CCDC125: variants seen among roughly 807,000 people sequenced by gnomAD.
CCDC125 encodes coiled-coil domain-containing protein 125.
In CCDC125, 43 loss-of-function variants were observed where a neutral mutation model predicts 57.4. The ratio of observed to expected loss-of-function variants is 0.75; its 90% CI spans 0.59 to 0.97. CCDC125 has a LOEUF of 0.97. Among genes scored for constraint, CCDC125 ranks in the 50% least tolerant of loss-of-function variants. CCDC125 has a pLI of 0.00. For synonymous variants in CCDC125, 187 were observed against 195.2 expected (o/e 0.96, Z 0.35); for missense variants, 563 against 595.7 (o/e 0.95, Z 0.57).
chr5:69,320,405 G>T lies in CCDC125; in HGVS notation c.136C>A (p.His46Asn). Residue 46 changes from histidine to asparagine, a missense_variant, in exon 2 of 12, where the codon CAT becomes AAT. Transcript: ENST00000396496. ...CCATCTGATCTTTTTCTAGACCTAT[G>T]TGAAAATTCTATTTCATAAATCCCA... ...PGGIYEIEFS[H>N]RSRKRSDGKN... 9.3e-6 allele frequency: 15 copies of T among 1,614,108 alleles called. No individual in the cohort carries two copies. Among genetic ancestry groups the T allele is most frequent in the Non-Finnish European group, 1.3e-5 (15 of 1,180,002 alleles).
At chr5:69,290,812 T>G (rs1368873563) in intron 10 of CCDC125, among the ~76,000 whole-genome samples, 3 of 151,460 alleles carry the variant, frequency 2.0e-5, no homozygotes, top group Non-Finnish European at 4.4e-5. Flanking sequence ...GTATTTTTAG[T>G]AGAGGCAGGG....
intron 7 of CCDC125, among the ~76,000 whole-genome samples, chr5:69,303,511 C>A (rs530332205): frequency 6.6e-6 from 1 of 151,598 alleles, no homozygotes; most frequent in Non-Finnish European, 1.5e-5. Flanking sequence ...ACTACAGGTG[C>A]GCACCACCAT....
rs1003180857 is a variant in CCDC125 at position 69,303,361 on chromosome 5, C to CTTTT, written c.700+482_700+485dup. Reference sequence around the variant, plus strand: ...CACTGTGCCTGGCAAGAATTGTTCACTTTTTTTTTTTTTTTTTTTTTGAGA... The same window carrying CTTTT: ...CACTGTGCCTGGCAAGAATTGTTCACTTTTTTTTTTTTTTTTTTTTTTTTTGAGA... On this transcript the variant is annotated intron_variant, in intron 7 of 11. Coordinates refer to ENST00000396496, the MANE Select transcript of CCDC125 (RefSeq NM_176816.5). Among the ~76,000 whole-genome samples, 102 of 100,474 alleles carry CTTTT rather than the reference C, an allele frequency of 1.0e-3. 5 individuals are homozygous for CTTTT. Among genetic ancestry groups the CTTTT allele is most frequent in the African/African-American group, 1.8e-3 (45 of 24,532 alleles). 65.9% of individuals were successfully genotyped at this position (100,474 alleles called of 152,430 possible). A position where few individuals can be genotyped will look rare whatever the true frequency, so the allele number is the denominator to read the frequency against.
chr5:69,286,225 T>TATAA (rs1554071413), intron 10 of CCDC125, among the ~76,000 whole-genome samples: 27 of 111,424 alleles, frequency 2.4e-4, no homozygotes, highest in African/African-American at 9.4e-4. Flanking sequence ...TATATATATA[T>TATAA]ATATATATAA....
At chr5:69,276,735 T>A (rs1199040642), downstream of CCDC125, 1 of 1,533,150 alleles carries the variant, frequency 6.5e-7, no homozygotes, top group Non-Finnish European at 9.0e-7. Flanking sequence ...TTTAGAAAAC[T>A]CCAAATAGCT....
chr5:69,288,710 G>C (rs1429184596), intron 10 of CCDC125, among the ~76,000 whole-genome samples: 1 of 152,236 alleles, frequency 6.6e-6, no homozygotes, highest in Non-Finnish European at 1.5e-5. Context: ...CAGTCAGTCA[G>C]GAGCAGCAGA....
chr5:69,301,715 AC>A (rs1756478008), intron 7 of CCDC125, among the ~76,000 whole-genome samples: 2 of 147,020 alleles, frequency 1.4e-5, no homozygotes, highest in Non-Finnish European at 3.0e-5. Flanking sequence ...AGCCTGGGTG[AC>A]AGAGTGAGAC....
At chr5:69,320,919 G>A (rs1227711797) in intron 1 of CCDC125, among the ~76,000 whole-genome samples, 5 of 152,006 alleles carry the variant, frequency 3.3e-5, no homozygotes, top group African/African-American at 7.2e-5. Flanking sequence ...AGTGTAATAC[G>A]CCAGACACAG....
intron 9 of CCDC125, among the ~76,000 whole-genome samples, chr5:69,293,606 C>T (rs984821273): frequency 2.0e-5 from 3 of 149,780 alleles, no homozygotes; most frequent in Non-Finnish European, 3.0e-5. Flanking sequence ...CGAGATTGCA[C>T]CACTACATTC....
chr5:69,311,174 C>A lies in CCDC125; in HGVS notation c.397G>T (p.Ala133Ser). The change falls in exon 4 of 12, where the codon GCA becomes TCA. Residue 133 changes from alanine (A) to serine (S), a missense_variant. Ala to Ser is a moderately conservative substitution (Grantham distance 99). Coordinates refer to ENST00000396496, the MANE Select transcript of CCDC125 (RefSeq NM_176816.5). ...TTACCTCTGAGTTGTCTTTGAGATGCCTCAAGTTCAGTTTTTAACATTTCT... is the reference window on the plus strand; with the variant it reads ...TTACCTCTGAGTTGTCTTTGAGATGACTCAAGTTCAGTTTTTAACATTTCT... Reference protein sequence around the residue: ...EVEMLKTELEASQRQLRGKEE... With the variant: ...EVEMLKTELESSQRQLRGKEE... 1 of 1,610,636 alleles carries A rather than the reference C, an allele frequency of 6.2e-7. No individual in the cohort carries two copies. The highest frequency in any genetic ancestry group is 8.5e-7 in the Non-Finnish European group (1 of 1,177,874).
At chr5:69,300,343 GC>G (rs1756187811) in intron 7 of CCDC125, among the ~76,000 whole-genome samples, 2 of 152,066 alleles carry the variant, frequency 1.3e-5, no homozygotes, top group African/African-American at 4.8e-5. Context: ...TAATGGAAAA[GC>G]ATCTTAACTT....
chr5:69,330,602 A>C (rs1761301191), intron 1 of CCDC125, among the ~76,000 whole-genome samples: 2 of 151,402 alleles, frequency 1.3e-5, no homozygotes, highest in African/African-American at 4.9e-5. Flanking sequence ...TAAAAAAAAA[A>C]AATTCACTAT....
Position 69,287,293 on chromosome 5 carries a change from C to T in CCDC125, c.1100-1826G>A, listed in dbSNP as rs145608654. The stretch of plus-strand genomic sequence containing the variant: ...TTTTTTTTTTTTTGAGATGGAGTCT[C>T]GCTTTTGTCGCCCAGGCTGGAGTGC... On this transcript the variant is annotated intron_variant, in intron 10 of 11. Transcript: ENST00000396496. 2.8e-3 allele frequency among the ~76,000 whole-genome samples: 403 copies of T among 142,698 alleles called. 3 individuals carry two copies. Among genetic ancestry groups the T allele is most frequent in the African/African-American group, 0.01 (389 of 38,826 alleles). 93.6% of individuals were successfully genotyped at this position (142,698 alleles called of 152,430 possible). A position where few individuals can be genotyped will look rare whatever the true frequency, so the allele number is the denominator to read the frequency against.
chr5:69,301,982 C>T (rs1045820443), intron 7 of CCDC125, among the ~76,000 whole-genome samples: 2 of 151,554 alleles, frequency 1.3e-5, no homozygotes, highest in African/African-American at 4.8e-5. Flanking sequence ...ACTTGGGAGG[C>T]TGAGGTGGGA....
Position 69,285,354 on chromosome 5 carries a change from T to A in CCDC125, c.1213A>T (p.Lys405Ter). Residue 405 changes from lysine to a stop codon, truncating the protein, a stop_gained, in exon 11 of 12, where the codon AAG becomes TAG. Transcript: ENST00000396496. LOFTEE classifies it low-confidence loss of function (END_TRUNC). ...ACACTAACCAAATCTATGAGCATCTTAAGGACCTCTTGAGGACTGTCCTGG... is the reference window on the plus strand; with the variant it reads ...ACACTAACCAAATCTATGAGCATCTAAAGGACCTCTTGAGGACTGTCCTGG... ...EDQDSPQEVL[K>*]MLIDLLNDKE... 1 of 1,610,612 alleles carries A rather than the reference T, an allele frequency of 6.2e-7. No homozygotes were observed. The highest frequency in any genetic ancestry group is 8.5e-7 in the Non-Finnish European group (1 of 1,179,140).
chr5:69,317,314 A>G (rs957018436), intron 2 of CCDC125, among the ~76,000 whole-genome samples: 2 of 152,104 alleles, frequency 1.3e-5, no homozygotes, highest in Non-Finnish European at 2.9e-5. Flanking sequence ...TGGCATCTTC[A>G]TGTTTTTATA....
the CCDC125 span, chr5:69,273,118 A>C: frequency 9.4e-7 from 1 of 1,060,770 alleles, no homozygotes; most frequent in South Asian, 2.3e-5. Flanking sequence ...ATAGAATTTC[A>C]TAAAATTAAC....
downstream of CCDC125, among the ~76,000 whole-genome samples, chr5:69,278,214 A>AT (rs1554068144): frequency 1.0e-4 from 15 of 148,220 alleles, no homozygotes; most frequent in South Asian, 8.7e-4. Flanking sequence ...ACTTTATTTT[A>AT]TTTTTTTTTG....
At chr5:69,299,986 T>C (rs751538347) in intron 8 of CCDC125, 26 bp downstream of exon 8, 2 of 1,516,944 alleles carry the variant, frequency 1.3e-6, no homozygotes, top group African/African-American at 2.7e-5. Context: ...GTCCCTTCTG[T>C]TCAGCTTTCC....
Sources: allele counts gnomAD v4.1 joint callset (sites outside exome capture counted in the v4.1 genomes callset), GRCh38; gene constraint gnomAD v4.1.1; transcripts MANE v1.5; gene names NCBI Gene and HGNC (gene_info 2026-07-23, HGNC 2026-07-21).